ZNF385C: variants seen among roughly 807,000 people sequenced by gnomAD.
ZNF385C encodes zinc finger protein 385C.
Under a neutral mutation model 35.4 loss-of-function variants are expected in ZNF385C, and 28 were observed. That is an observed-to-expected ratio of 0.79 (90% confidence interval 0.59 to 1.08). The LOEUF is 1.08. ZNF385C is among the 50% of genes least tolerant of loss of function. The pLI is 0.00. For synonymous variants in ZNF385C, 248 were observed against 248.2 expected, an observed-to-expected ratio of 1.00 and a Z score of 0.01; for missense variants, 605 against 595.6, an observed-to-expected ratio of 1.02 and a Z score of -0.16.
chr17:42,091,288 A>G (rs2053861674), intron 1 of ZNF385C, among the ~76,000 whole-genome samples: 1 of 152,020 alleles, frequency 6.6e-6, no homozygotes, highest in South Asian at 2.1e-4. Context: ...AAATGTAACA[A>G]AATTATCCAG....
intron 1 of ZNF385C, among the ~76,000 whole-genome samples, chr17:42,093,079 C>T (rs1278301718): frequency 6.6e-6 from 1 of 152,222 alleles, no homozygotes; most frequent in Non-Finnish European, 1.5e-5. Flanking sequence ...AACACAGCCG[C>T]TCCTGTGCAA....
intron 1 of ZNF385C, among the ~76,000 whole-genome samples, chr17:42,088,456 C>G (rs1263566748): frequency 1.3e-5 from 2 of 152,274 alleles, no homozygotes; most frequent in African/African-American, 4.8e-5. Flanking sequence ...CACCGCCGGA[C>G]AAGCGCCCTG....
At chr17:42,096,594 C>A (rs1265508012) in intron 1 of ZNF385C, among the ~76,000 whole-genome samples, 3 of 152,226 alleles carry the variant, frequency 2.0e-5, no homozygotes, top group African/African-American at 7.2e-5. Context: ...AATCCCCAAA[C>A]AGGACTTTCA....
chr17:42,081,403 T>C (rs937948752), intron 1 of ZNF385C, among the ~76,000 whole-genome samples: 13 of 152,108 alleles, frequency 8.5e-5, no homozygotes, highest in African/African-American at 3.1e-4. Context: ...TTTTATTTTT[T>C]TGAGACAGAG....
intron 2 of ZNF385C, chr17:42,039,671 C>T: frequency 4.1e-6 from 5 of 1,232,208 alleles, no homozygotes; most frequent in Non-Finnish European, 5.1e-6. Flanking sequence ...GCCCAGGGCC[C>T]CAGGCTGGAT....
intron 1 of ZNF385C, among the ~76,000 whole-genome samples, chr17:42,075,735 C>T (rs2053677893): frequency 6.6e-6 from 1 of 152,172 alleles, no homozygotes; most frequent in African/African-American, 2.4e-5. Context: ...ACCTCATGAT[C>T]CACCTGCCTT....
intron 2 of ZNF385C, among the ~76,000 whole-genome samples, chr17:42,049,912 A>G (rs906473993): frequency 2.0e-5 from 3 of 152,254 alleles, no homozygotes; most frequent in African/African-American, 7.2e-5. Flanking sequence ...TTAGTAGCCA[A>G]TGTGGCTAGT....
At chr17:42,032,503 C>A (rs1231372190) in intron 4 of ZNF385C, among the ~76,000 whole-genome samples, 1 of 152,176 alleles carries the variant, frequency 6.6e-6, no homozygotes, top group African/African-American at 2.4e-5. Context: ...AGAGTAGGTG[C>A]TCAATGAATG....
At chr17:42,089,248 C>T (rs1211628859) in intron 1 of ZNF385C, among the ~76,000 whole-genome samples, 3 of 151,814 alleles carry the variant, frequency 2.0e-5, no homozygotes, top group East Asian at 1.9e-4. Flanking sequence ...CCTGGGAGGT[C>T]GAGGCTGCAG....
At chr17:42,039,901 G>C (rs1268572090) in intron 2 of ZNF385C, 2 of 1,231,230 alleles carry the variant, frequency 1.6e-6, no homozygotes, top group African/African-American at 1.6e-5. Context: ...CAGCAGGCCA[G>C]CGCCCGCGGG....
intron 2 of ZNF385C, among the ~76,000 whole-genome samples, chr17:42,045,805 C>T (rs2053147936): frequency 6.6e-6 from 1 of 152,192 alleles, no homozygotes; most frequent in Non-Finnish European, 1.5e-5. Context: ...TGTGTCACTC[C>T]CTAGTTTCCA....
chr17:42,036,797 AC>A (rs35274851), intron 3 of ZNF385C, among the ~76,000 whole-genome samples: 1 of 151,324 alleles, frequency 6.6e-6, no homozygotes, highest in East Asian at 2.0e-4. Context: ...CCAGAGGACC[AC>A]CCCCCAAATG....
At chr17:42,057,631 A>C (rs932539017) in intron 2 of ZNF385C, among the ~76,000 whole-genome samples, 1 of 151,780 alleles carries the variant, frequency 6.6e-6, no homozygotes, top group Non-Finnish European at 1.5e-5. Context: ...GGGTGAAAGA[A>C]GGCTCAAGAT....
intron 1 of ZNF385C, among the ~76,000 whole-genome samples, chr17:42,077,402 T>C (rs781906320): frequency 6.6e-6 from 1 of 152,138 alleles, no homozygotes; most frequent in African/African-American, 2.4e-5. Context: ...GAGAGGGACA[T>C]TGAGGCTCAG....
At chr17:42,030,771 A>G (rs1396914334) in intron 5 of ZNF385C, among the ~76,000 whole-genome samples, 1 of 152,146 alleles carries the variant, frequency 6.6e-6, no homozygotes, top group East Asian at 1.9e-4. Flanking sequence ...TGATCTAGTG[A>G]CTGGTACCCT....
chr17:42,039,782 C>A, intron 2 of ZNF385C: 1 of 1,232,314 alleles, frequency 8.1e-7, no homozygotes, highest in South Asian at 4.1e-5. Flanking sequence ...AAGTCAAACT[C>A]GTGCAGCGGG....
At chr17:42,027,577 C>T (rs782225562) in intron 8 of ZNF385C, 41 bp downstream of exon 8, 2 of 1,348,860 alleles carry the variant, frequency 1.5e-6, no homozygotes, top group Admixed American at 4.8e-5. Flanking sequence ...ACCCTCTCCC[C>T]TCCTGACCCA....
intron 2 of ZNF385C, among the ~76,000 whole-genome samples, chr17:42,055,773 C>T (rs1326396550): frequency 6.6e-6 from 1 of 152,096 alleles, no homozygotes; most frequent in East Asian, 1.9e-4. Flanking sequence ...GTGACTTGAG[C>T]TCAAGGTCTT....
intron 1 of ZNF385C, among the ~76,000 whole-genome samples, chr17:42,091,668 T>G (rs2053864318): frequency 1.3e-5 from 2 of 152,182 alleles, no homozygotes; most frequent in Non-Finnish European, 2.9e-5. Flanking sequence ...ACACCTCATC[T>G]TGCAGACCCA....
Sources: gnomAD v4.1 joint callset for allele counts (sites outside exome capture counted in the v4.1 genomes callset) on GRCh38, gnomAD v4.1.1 for gene constraint, MANE v1.5 for transcripts, NCBI Gene and HGNC (gene_info 2026-07-23, HGNC 2026-07-21) for gene names.